The following SULF1 variants were observed in gnomAD, a reference collection of about 807,000 sequenced individuals.
The protein encoded by SULF1 is extracellular sulfatase Sulf-1.
A neutral mutation model predicts 110.5 loss-of-function variants in SULF1; 46 were observed. The ratio of observed to expected loss-of-function variants is 0.42; its 90% CI spans 0.33 to 0.53. The LOEUF (loss-of-function observed/expected upper bound fraction) is 0.53. SULF1 is among the 20% of genes least tolerant of loss of function. The pLI, the probability that SULF1 is intolerant of heterozygous loss-of-function variation, is 0.12. For synonymous variants in SULF1, 371 were observed against 387.1 expected (o/e 0.96, Z 0.49); for missense variants, 941 against 1,094.2 (o/e 0.86, Z 1.98).
intron 9 of SULF1, among the ~76,000 whole-genome samples, chr8:69,601,029 CA>C (rs1807761581): frequency 1.6e-5 from 1 of 62,264 alleles, no homozygotes; most frequent in African/African-American, 9.2e-5. Context: ...TCCTCAAAGG[CA>C]ATAAAGAATT....
intron 3 of SULF1, among the ~76,000 whole-genome samples, chr8:69,513,536 T>C (rs866374615): frequency 7.9e-5 from 12 of 152,360 alleles, no homozygotes; most frequent in Middle Eastern, 6.8e-3. Flanking sequence ...CCTTTGGTCA[T>C]AGGAACACTA....
intron 5 of SULF1, among the ~76,000 whole-genome samples, chr8:69,574,154 T>C (rs2150740731): frequency 6.6e-6 from 1 of 152,360 alleles, no homozygotes; most frequent in African/African-American, 2.4e-5. Context: ...GACTTTTTTC[T>C]TAACATGCCG....
At chr8:69,631,759 A>G (rs1425098963) in intron 19 of SULF1, among the ~76,000 whole-genome samples, 1 of 152,188 alleles carries the variant, frequency 6.6e-6, no homozygotes, top group Admixed American at 6.5e-5. Context: ...TCTTGCCCAC[A>G]GCCCCGTGCC....
At position 69,510,934 on chromosome 8, in the gene SULF1, C is replaced by A. The variant is rs185026721; in HGVS notation, c.-134+8966C>A. Reference sequence around the variant, plus strand: ...GCCCAGCCTGATAATAATGTTAGTCCATATCATCATTACACACACACACAC... The same window carrying A: ...GCCCAGCCTGATAATAATGTTAGTCAATATCATCATTACACACACACACAC... On this transcript the variant is annotated intron_variant, in intron 3 of 22. Transcript: ENST00000402687. Among the ~76,000 whole-genome samples, 343 of 138,628 alleles carry A rather than the reference C, an allele frequency of 2.5e-3. 2 individuals are homozygous for A. Among genetic ancestry groups the A allele is most frequent in the African/African-American group, 9.0e-3 (330 of 36,820 alleles). The allele number at this position is 138,628 out of a possible 152,430, so 90.9% of individuals were successfully genotyped here.
At chr8:69,610,427 C>T (rs1182033520) in intron 13 of SULF1, among the ~76,000 whole-genome samples, 1 of 152,142 alleles carries the variant, frequency 6.6e-6, no homozygotes, top group African/African-American at 2.4e-5. Context: ...ACCTGTTTCC[C>T]AAAACTCACT....
At chr8:69,470,168 T>C (rs1442851005) in intron 1 of SULF1, among the ~76,000 whole-genome samples, 3 of 152,192 alleles carry the variant, frequency 2.0e-5, no homozygotes, top group South Asian at 2.1e-4. Flanking sequence ...CGGTTTTTTT[T>C]CCCCTGTGCA....
At chr8:69,624,231 T>A (rs1554592512) in intron 15 of SULF1, 34 bp downstream of exon 15, 1 of 1,534,362 alleles carries the variant, frequency 6.5e-7, no homozygotes, top group Non-Finnish European at 8.8e-7. Context: ...TAGGGTTGAG[T>A]TCAGAATTAC....
At chr8:69,555,724 T>C (rs1421241794) in intron 3 of SULF1, among the ~76,000 whole-genome samples, 1 of 152,200 alleles carries the variant, frequency 6.6e-6, no homozygotes, top group Non-Finnish European at 1.5e-5. Context: ...AGTCAGGTGT[T>C]CCTCTTCCTA....
At chr8:69,636,047 T>A (rs745649101) in intron 19 of SULF1, among the ~76,000 whole-genome samples, 3 of 152,128 alleles carry the variant, frequency 2.0e-5, no homozygotes, top group Non-Finnish European at 4.4e-5. Context: ...TGAGTTAAAG[T>A]ACATAGTGCA....
At chr8:69,467,126 C>G (rs113147769) in intron 1 of SULF1, 1 of 152,146 alleles carries the variant, frequency 6.6e-6, no homozygotes, top group Non-Finnish European at 1.5e-5. Flanking sequence ...CTTTGTAGAA[C>G]TAACACTCCT....
At chr8:69,623,677 T>G (rs150219927) in intron 14 of SULF1, among the ~76,000 whole-genome samples, 1 of 152,338 alleles carries the variant, frequency 6.6e-6, no homozygotes, top group African/African-American at 2.4e-5. Flanking sequence ...CCCCCTCACT[T>G]GACGGATGAA....
At chr8:69,603,068 A>C in intron 10 of SULF1, 124 bp from the exon 11 acceptor site, 15 of 1,357,456 alleles carry the variant, frequency 1.1e-5, no homozygotes, top group Non-Finnish European at 1.2e-5. Flanking sequence ...ACCCATGCCT[A>C]GGAGACCAGA....
At chr8:69,648,815 A>AT (rs1047637372) in intron 22 of SULF1, among the ~76,000 whole-genome samples, 9 of 152,238 alleles carry the variant, frequency 5.9e-5, no homozygotes, top group African/African-American at 2.2e-4. Flanking sequence ...GATCTCTTAA[A>AT]TTACCCGTCT....
At chr8:69,542,426 G>A (rs1224125597) in intron 3 of SULF1, among the ~76,000 whole-genome samples, 1 of 152,046 alleles carries the variant, frequency 6.6e-6, no homozygotes, top group Non-Finnish European at 1.5e-5. Flanking sequence ...TGGTCATGAT[G>A]GAGTGTTCTG....
At chr8:69,497,937 C>T (rs1034102231) in intron 2 of SULF1, among the ~76,000 whole-genome samples, 4 of 152,172 alleles carry the variant, frequency 2.6e-5, no homozygotes, top group African/African-American at 9.7e-5. Flanking sequence ...TTCTGGCACA[C>T]ACCCACACTT....
intron 21 of SULF1, among the ~76,000 whole-genome samples, chr8:69,640,196 G>A (rs1488212162): frequency 3.9e-5 from 6 of 152,004 alleles, no homozygotes; most frequent in East Asian, 3.9e-4. Context: ...GAAAGAAAGA[G>A]AGAGAGAGAG....
chr8:69,480,896 G>C (rs1293523808), intron 1 of SULF1, among the ~76,000 whole-genome samples: 1 of 141,298 alleles, frequency 7.1e-6, no homozygotes, highest in Middle Eastern at 3.3e-3. Flanking sequence ...TGTGGGATGG[G>C]GGAGGGGGGA....
chr8:69,605,494 C>T (rs1457858004), intron 13 of SULF1, among the ~76,000 whole-genome samples: 3 of 152,064 alleles, frequency 2.0e-5, no homozygotes, highest in Non-Finnish European at 4.4e-5. Flanking sequence ...AGATCCTCTT[C>T]GTTAGTAGAA....
At chr8:69,502,464 C>T (rs1810870790) in intron 3 of SULF1, among the ~76,000 whole-genome samples, 2 of 152,110 alleles carry the variant, frequency 1.3e-5, no homozygotes, top group Admixed American at 6.5e-5. Context: ...TGTGGCAACC[C>T]ATCTCAGCAA....
Sources: allele counts gnomAD v4.1 joint callset (sites outside exome capture counted in the v4.1 genomes callset), GRCh38; gene constraint gnomAD v4.1.1; transcripts MANE v1.5; gene names NCBI Gene and HGNC (gene_info 2026-07-23, HGNC 2026-07-21).